Variants in RIMS1 observed in about 807,000 individuals in gnomAD.
RIMS1 encodes the protein regulating synaptic membrane exocytosis protein 1.
RIMS1 carries 83 observed loss-of-function variants against 214.1 expected under a neutral mutation model. The ratio of observed to expected loss-of-function variants is 0.39; its 90% confidence interval spans 0.32 to 0.47. The LOEUF (loss-of-function observed/expected upper bound fraction) is 0.47. Ranked by LOEUF, RIMS1 falls within the 20% of genes least tolerant of loss-of-function variation. The probability of loss-of-function intolerance (pLI) is 0.99; values close to 1 mark genes in which losing one functional copy is unlikely to be tolerated. For missense variants in RIMS1, 2,050 were observed against 2,161.8 expected (o/e 0.95, Z 1.03); for synonymous variants, 793 against 786.8 (o/e 1.01, Z -0.13).
rs13202208 is a variant in RIMS1 at position 72,084,685 on chromosome 6, A to G, written c.246-12264A>G. Among the ~76,000 whole-genome samples the G allele has an allele frequency of 4.6e-5, 7 of 152,256 alleles. No individual in the cohort carries two copies. The East Asian group carries it at 1.4e-3, about 29-fold the overall frequency. The stretch of plus-strand genomic sequence containing the variant: ...TGTCTTCATTTAATGCTTACTCGGG[A>G]GTGGCCTCCTATGGTAAATTGAAAA... On this transcript the variant is annotated intron_variant, in intron 2 of 33. Coordinates refer to ENST00000521978, the MANE Select transcript of RIMS1 (RefSeq NM_014989.7).
At chr6:72,205,590 A>G (rs191763010) in intron 6 of RIMS1, among the ~76,000 whole-genome samples, 91 of 152,298 alleles carry the variant, frequency 6.0e-4, no homozygotes, top group Middle Eastern at 3.4e-3. Flanking sequence ...TGGAACTGAA[A>G]TCATGTAAGA....
intron 6 of RIMS1, among the ~76,000 whole-genome samples, chr6:72,200,060 AAAT>A (rs1330757482): frequency 6.6e-6 from 1 of 152,080 alleles, no homozygotes; most frequent in Non-Finnish European, 1.5e-5. Context: ...TAAAATAAGA[AAAT>A]AAAAAATTCT....
rs543509280 is a variant in RIMS1 at position 72,057,282 on chromosome 6, T to A, written c.246-39667T>A. On this transcript the variant is annotated intron_variant, in intron 2 of 33. Coordinates refer to ENST00000521978, the MANE Select transcript of RIMS1 (RefSeq NM_014989.7). ...ACTGCTTTCTGGACCTCCAACCATA[T>A]AACCAATACATACGACAAATACAGG... is the stretch of plus-strand genomic sequence containing the variant. Among the ~76,000 whole-genome samples the A allele has an allele frequency of 4.6e-5, 7 of 152,314 alleles. No homozygotes were observed. In the South Asian group the frequency reaches 1.5e-3, roughly 32 times the overall value.
chr6:72,316,917 A>C (rs2095834737), intron 28 of RIMS1: 2 of 743,430 alleles, frequency 2.7e-6, no homozygotes, highest in Non-Finnish European at 4.8e-6. Flanking sequence ...CCACCCAAGA[A>C]CTGAGGTGTC....
At chr6:72,231,285 A>G (rs536541934) in intron 6 of RIMS1, among the ~76,000 whole-genome samples, 1 of 151,742 alleles carries the variant, frequency 6.6e-6, no homozygotes, top group South Asian at 2.1e-4. Flanking sequence ...TAGATTTTAG[A>G]TTTTATTTTT....
intron 2 of RIMS1, among the ~76,000 whole-genome samples, chr6:71,972,320 G>A (rs9446521): frequency 0.21 from 31,340 of 152,078 alleles, 3,544 homozygotes; most frequent in South Asian, 0.3. Context: ...CTGTACTTCT[G>A]TAGGCTTGAG....
At chr6:72,077,135 G>A (rs1400001231) in intron 2 of RIMS1, among the ~76,000 whole-genome samples, 1 of 152,084 alleles carries the variant, frequency 6.6e-6, no homozygotes, top group African/African-American at 2.4e-5. Flanking sequence ...TGAGTGGAAG[G>A]CGTGTTTCTC....
intron 4 of RIMS1, among the ~76,000 whole-genome samples, chr6:72,119,774 G>A (rs138575782): frequency 6.6e-6 from 1 of 151,738 alleles, no homozygotes; most frequent in African/African-American, 2.4e-5. Flanking sequence ...ATTTACATCA[G>A]GTATTTCTTT....
At chr6:72,132,178 G>T (rs2040554483) in intron 4 of RIMS1, among the ~76,000 whole-genome samples, 1 of 152,190 alleles carries the variant, frequency 6.6e-6, no homozygotes, top group Admixed American at 6.5e-5. Flanking sequence ...AGAGATTAAA[G>T]TAAAGACAGG....
chr6:72,212,774 G>T, intron 6 of RIMS1: 4 of 1,005,048 alleles, frequency 4.0e-6, no homozygotes, highest in Non-Finnish European at 4.8e-6. Flanking sequence ...TGTGGATCTG[G>T]TTAAAACCCA....
intron 6 of RIMS1, among the ~76,000 whole-genome samples, chr6:72,218,262 G>A (rs183164746): frequency 2.6e-5 from 4 of 152,142 alleles, no homozygotes; most frequent in Admixed American, 6.5e-5. Flanking sequence ...GGACCTGGAC[G>A]CAGAGAGGCA....
chr6:71,973,311 T>G (rs1301845810), intron 2 of RIMS1, among the ~76,000 whole-genome samples: 1 of 152,182 alleles, frequency 6.6e-6, no homozygotes, highest in Non-Finnish European at 1.5e-5. Flanking sequence ...AACATCAGGT[T>G]GTGCTGGGGT....
chr6:72,146,290 C>A (rs984734585), intron 4 of RIMS1, among the ~76,000 whole-genome samples: 94 of 152,320 alleles, frequency 6.2e-4, no homozygotes, highest in Non-Finnish European at 1.2e-3. Context: ...ACGTGTCTTT[C>A]CCTTCTTTCT....
intron 29 of RIMS1, among the ~76,000 whole-genome samples, chr6:72,364,067 C>G (rs2097911854): frequency 1.3e-5 from 2 of 152,234 alleles, no homozygotes; most frequent in African/African-American, 4.8e-5. Context: ...CTCCTCCACT[C>G]TGGGCCTTTC....
intron 11 of RIMS1, 140 bp from the exon 12 acceptor site, chr6:72,247,875 G>A (rs2070940105): frequency 1.6e-6 from 1 of 618,162 alleles, no homozygotes; most frequent in Non-Finnish European, 2.9e-6. Flanking sequence ...GACAACTAAA[G>A]ACAATCTATC....
chr6:72,342,519 G>A (rs1034055258), intron 29 of RIMS1, among the ~76,000 whole-genome samples: 1 of 151,668 alleles, frequency 6.6e-6, no homozygotes, highest in East Asian at 1.9e-4. Flanking sequence ...GCATTAGGAA[G>A]GAAAGAGATC....
At chr6:72,127,661 T>C (rs1198136460) in intron 4 of RIMS1, among the ~76,000 whole-genome samples, 1 of 152,158 alleles carries the variant, frequency 6.6e-6, no homozygotes, top group Non-Finnish European at 1.5e-5. Flanking sequence ...ATGGCTATGT[T>C]TGATGAAGCT....
intron 29 of RIMS1, among the ~76,000 whole-genome samples, chr6:72,348,220 A>G (rs2097330986): frequency 1.3e-5 from 2 of 151,914 alleles, no homozygotes; most frequent in African/African-American, 4.8e-5. Flanking sequence ...TAAACAATGC[A>G]GTTTGAGCTT....
intron 29 of RIMS1, among the ~76,000 whole-genome samples, chr6:72,377,305 A>G (rs748792975): frequency 2.0e-5 from 3 of 152,190 alleles, no homozygotes; most frequent in Non-Finnish European, 2.9e-5. Context: ...CACTGCTGAT[A>G]CTATCCATCC....
Sources: allele counts gnomAD v4.1 joint callset (sites outside exome capture counted in the v4.1 genomes callset), GRCh38; gene constraint gnomAD v4.1.1; transcripts MANE v1.5; gene names NCBI Gene and HGNC (gene_info 2026-07-23, HGNC 2026-07-21).